The following FILIP1L variants were observed in gnomAD, a reference collection of about 807,000 sequenced individuals.
The protein encoded by FILIP1L is filamin A interacting protein 1 like.
A neutral mutation model predicts 96.6 loss-of-function variants in FILIP1L; 55 were observed. The ratio of observed to expected loss-of-function variants is 0.57; its 90% CI spans 0.46 to 0.71. FILIP1L has a LOEUF of 0.71. Ranked by LOEUF, FILIP1L falls within the 30% of genes least tolerant of loss-of-function variation. The pLI, the probability that FILIP1L is intolerant of heterozygous loss-of-function variation, is 0.00. For missense variants in FILIP1L, 1,304 were observed against 1,321.2 expected (o/e 0.99, Z 0.20); for synonymous variants, 467 against 473.9 (o/e 0.99, Z 0.19).
intron 1 of FILIP1L, among the ~76,000 whole-genome samples, chr3:100,085,185 T>C (rs1013357323): frequency 6.6e-6 from 1 of 152,200 alleles, no homozygotes; most frequent in African/African-American, 2.4e-5. Flanking sequence ...GTTTTAAAAG[T>C]ATCTAAGGTG....
rs200990031 is a variant in FILIP1L, at chr3:99,848,814, T to C, written c.2862A>G (p.Ile954Met). 1.1e-5 allele frequency: 18 copies of C among 1,614,066 alleles called. No homozygotes were observed. The highest frequency in any genetic ancestry group is 1.5e-5 in the Non-Finnish European group (18 of 1,180,034). ...TAGAGGTTTTGGACTTTACTGGTGT[T>C]ATGGAGGCGTTTTGGAGGATGGTTA... ...QRITILQNAS[I>M]TPVKSKTSTE... The change falls in exon 5 of 6, where the codon ATA (isoleucine) becomes ATG (methionine). Residue 954 changes from isoleucine (I) to methionine (M), a missense_variant. Physicochemically the swap from Ile to Met is conservative, Grantham distance 10. Transcript: ENST00000477258.
intron 1 of FILIP1L, among the ~76,000 whole-genome samples, chr3:99,992,455 C>T (rs1709552247): frequency 6.6e-6 from 1 of 151,924 alleles, no homozygotes; most frequent in Admixed American, 6.6e-5. Flanking sequence ...TTGTTGGCTG[C>T]TTGTATGTCT....
At chr3:99,896,606 A>G (rs1410669692) in intron 4 of FILIP1L, among the ~76,000 whole-genome samples, 2 of 152,196 alleles carry the variant, frequency 1.3e-5, no homozygotes, top group South Asian at 2.1e-4. Context: ...AACAACAACT[A>G]TTTTGATGGG....
intron 3 of FILIP1L, among the ~76,000 whole-genome samples, chr3:99,925,350 C>A (rs1037216034): frequency 6.6e-6 from 1 of 152,126 alleles, no homozygotes; most frequent in African/African-American, 2.4e-5. Flanking sequence ...GTGTTTGTCT[C>A]CCCTGCTAGA....
At chr3:99,984,116 T>G (rs997585975) in intron 1 of FILIP1L, among the ~76,000 whole-genome samples, 1 of 146,500 alleles carries the variant, frequency 6.8e-6, no homozygotes, top group South Asian at 2.2e-4. Context: ...TGCTCAGGTA[T>G]GAAATAATTG....
chr3:99,938,094 C>G (rs573314700), intron 1 of FILIP1L, among the ~76,000 whole-genome samples: 1 of 151,936 alleles, frequency 6.6e-6, no homozygotes, highest in Non-Finnish European at 1.5e-5. Flanking sequence ...CGCGCGCGTG[C>G]ATGCACACTC....
intron 1 of FILIP1L, among the ~76,000 whole-genome samples, chr3:100,007,622 G>A (rs896333266): frequency 3.3e-5 from 5 of 152,126 alleles, no homozygotes; most frequent in African/African-American, 9.7e-5. Flanking sequence ...CCCAGAAAGT[G>A]TACAGATTTT....
intron 1 of FILIP1L, among the ~76,000 whole-genome samples, chr3:100,019,074 C>G (rs1411934531): frequency 6.6e-6 from 1 of 152,080 alleles, no homozygotes; most frequent in African/African-American, 2.4e-5. Context: ...AAGAGAGAAC[C>G]CTTATACATT....
At chr3:99,976,387 G>T (rs1053299172) in intron 1 of FILIP1L, among the ~76,000 whole-genome samples, 19 of 152,148 alleles carry the variant, frequency 1.2e-4, no homozygotes, top group African/African-American at 4.6e-4. Context: ...TTGTAAGTAA[G>T]TTATTAAACT....
chr3:100,011,818 A>T (rs889219413), intron 1 of FILIP1L: 3 of 152,218 alleles, frequency 2.0e-5, no homozygotes, highest in Admixed American at 2.0e-4. Context: ...GAATAGAAGG[A>T]TGAGTGGCTG....
chr3:99,920,057 GC>G (rs1220492951), intron 4 of FILIP1L, among the ~76,000 whole-genome samples: 8 of 152,130 alleles, frequency 5.3e-5, no homozygotes, highest in Admixed American at 5.2e-4. Flanking sequence ...AACCTACTAG[GC>G]CAAGATTTTA....
Position 99,930,765 on chromosome 3 carries a change from T to C in FILIP1L, c.252+4A>G, listed in dbSNP as rs375772279. 28 of 1,613,002 alleles carry C rather than the reference T, an allele frequency of 1.7e-5. No individual in the cohort carries two copies. Among genetic ancestry groups the C allele is most frequent in the Non-Finnish European group, 2.2e-5 (26 of 1,179,620 alleles). On this transcript the variant is annotated splice_donor_region_variant and intron_variant, in intron 2 of 5. Coordinates refer to ENST00000477258, the MANE Select transcript of FILIP1L (RefSeq NM_001387850.1). ...ATGATGGGGATAACTCCAACCCAGC[T>C]GACCTGCAGTTCTCCCTCCAGAATG...
chr3:99,987,392 G>A (rs1001128188), intron 1 of FILIP1L, among the ~76,000 whole-genome samples: 2 of 151,626 alleles, frequency 1.3e-5, no homozygotes, highest in Non-Finnish European at 2.9e-5. Context: ...AACGGGGTGT[G>A]GTGGCATACA....
chr3:99,973,233 T>A (rs1203749154), intron 1 of FILIP1L, among the ~76,000 whole-genome samples: 2 of 151,424 alleles, frequency 1.3e-5, no homozygotes, highest in Non-Finnish European at 2.9e-5. Flanking sequence ...TGAATAAAAA[T>A]TTTTTTTCTC....
chr3:100,084,279 C>T (rs1404679827), intron 1 of FILIP1L, among the ~76,000 whole-genome samples: 1 of 152,112 alleles, frequency 6.6e-6, no homozygotes, highest in African/African-American at 2.4e-5. Context: ...AGTCTCCTAC[C>T]TGCTATTTTT....
At chr3:100,102,117 A>T (rs1204800083) in intron 1 of FILIP1L, among the ~76,000 whole-genome samples, 1 of 152,146 alleles carries the variant, frequency 6.6e-6, no homozygotes, top group Non-Finnish European at 1.5e-5. Context: ...AAGATTTATA[A>T]TCCTTTGGGT....
intron 4 of FILIP1L, among the ~76,000 whole-genome samples, chr3:99,919,737 A>G (rs994749331): frequency 1.3e-5 from 2 of 152,118 alleles, no homozygotes; most frequent in Non-Finnish European, 2.9e-5. Context: ...GTCATAATAG[A>G]AAAGGATTGA....
In FILIP1L at chr3:99,929,965, T is replaced by G; in HGVS notation, c.317A>C (p.Gln106Pro). 1 of 1,614,152 alleles carries G rather than the reference T, an allele frequency of 6.2e-7. No homozygotes were observed. The change falls in exon 3 of 6, where the codon CAG becomes CCG. Residue 106 changes from glutamine (Q) to proline (P), a missense_variant. Transcript: ENST00000477258. The stretch of plus-strand genomic sequence containing the variant: ...CTTTTTTGGAGTGACAAACCCATAC[T>G]GAGCTTCCAGCAAAGCCAGGTCCAT... Reference protein sequence around the residue: ...EKMDLALLEAQYGFVTPKKVL... With the variant: ...EKMDLALLEAPYGFVTPKKVL...
intron 4 of FILIP1L, chr3:99,874,342 A>G (rs1406361638): frequency 6.6e-6 from 1 of 152,194 alleles, no homozygotes; most frequent in Non-Finnish European, 1.5e-5. Context: ...GATTCAGAAG[A>G]GCAGAATATC....
Sources: gnomAD v4.1 joint callset for allele counts (sites outside exome capture counted in the v4.1 genomes callset) on GRCh38, gnomAD v4.1.1 for gene constraint, MANE v1.5 for transcripts, NCBI Gene and HGNC (gene_info 2026-07-23, HGNC 2026-07-21) for gene names.